TBCD: variants seen among roughly 807,000 people sequenced by gnomAD.
TBCD encodes the protein tubulin folding cofactor D.
Under a neutral mutation model 169.3 loss-of-function variants are expected in TBCD, and 105 were observed. The observed-to-expected ratio is 0.62, with a 90% CI of 0.53 to 0.73. TBCD has a LOEUF of 0.73. Among genes scored for constraint, TBCD ranks in the 30% least tolerant of loss-of-function variants. TBCD has a pLI of 0.00. For missense variants in TBCD, 1,444 were observed against 1,600.1 expected (o/e 0.90, Z 1.66); for synonymous variants, 700 against 643.9 (o/e 1.09, Z -1.32).
At chr17:82,883,288 T>A (rs2058498765) in intron 14 of TBCD, among the ~76,000 whole-genome samples, 1 of 152,268 alleles carries the variant, frequency 6.6e-6, no homozygotes, top group African/African-American at 2.4e-5. Flanking sequence ...AAATTCTGTT[T>A]TCCACCTTTT....
At chr17:82,868,835 C>T (rs1161514653) in intron 13 of TBCD, among the ~76,000 whole-genome samples, 1 of 152,228 alleles carries the variant, frequency 6.6e-6, no homozygotes, top group African/African-American at 2.4e-5. Flanking sequence ...AGTGCCTTTT[C>T]TCAGACTGTG....
rs533384727 is a variant in TBCD, at chr17:82,882,928, G to A, written c.1476-1217G>A. Among the ~76,000 whole-genome samples, 333 of 152,298 alleles carry A rather than the reference G, an allele frequency of 2.2e-3. 1 individual carries two copies. The highest frequency in any genetic ancestry group is 7.2e-3 in the African/African-American group (298 of 41,556). ...ACGGTGTCCGCGCTGCCAGGCTGGA[G>A]CGGGTGACGGTGCCTGCGCTGCCAG... On this transcript the variant is annotated intron_variant, in intron 14 of 38. Coordinates refer to ENST00000355528, the MANE Select transcript of TBCD (RefSeq NM_005993.5).
At chr17:82,907,899 G>A (rs977140824) in intron 21 of TBCD, 78 bp downstream of exon 21, 143 of 1,480,392 alleles carry the variant, frequency 9.7e-5, no homozygotes, top group Non-Finnish European at 2.2e-5. Context: ...CCCTCCCCAG[G>A]CAGGGTCTGC....
At chr17:82,814,773 C>T (rs1229910544) in intron 12 of TBCD, 67 bp from the exon 13 acceptor site, 13 of 1,499,760 alleles carry the variant, frequency 8.7e-6, no homozygotes, top group Non-Finnish European at 9.2e-6. Flanking sequence ...TGCTCCTTGC[C>T]ATGCTGTGGG....
At chr17:82,888,927 A>G (rs2058942561) in intron 15 of TBCD, among the ~76,000 whole-genome samples, 2 of 151,940 alleles carry the variant, frequency 1.3e-5, no homozygotes, top group South Asian at 4.1e-4. Flanking sequence ...CCGTGGGTGC[A>G]CTTTGCTGGG....
Position 82,930,876 on chromosome 17 carries a change from G to A in TBCD, c.3113+233G>A, listed in dbSNP as rs1026868416. Among the ~76,000 whole-genome samples the A allele has an allele frequency of 1.3e-5, 2 of 152,214 alleles. No individual in the cohort carries two copies. The highest frequency in any genetic ancestry group is 4.1e-4 in the South Asian group (2 of 4,834). On this transcript the variant is annotated intron_variant, in intron 33 of 38. Coordinates refer to ENST00000355528, the MANE Select transcript of TBCD (RefSeq NM_005993.5). This position sits in a 1 kb window ranked among gnomAD's most constrained non-coding sequence, Gnocchi z 5.2. The stretch of plus-strand genomic sequence containing the variant: ...TCTTCTAGCCTCCACATGAGGCAGG[G>A]AAATGACCGTTGTGTGTACAATGGA...
Position 82,932,890 on chromosome 17 carries a change from G to A in TBCD, c.3191+155G>A, listed in dbSNP as rs2062321175. Reference sequence around the variant, plus strand: ...GGTGACTGTAAATACCGTCATCACAGCTGGCCCTCAAAATAACGCAATAAT... The same window carrying A: ...GGTGACTGTAAATACCGTCATCACAACTGGCCCTCAAAATAACGCAATAAT... On this transcript the variant is annotated intron_variant, in intron 34 of 38. Coordinates refer to ENST00000355528, the MANE Select transcript of TBCD (RefSeq NM_005993.5). The A allele has an allele frequency of 3.1e-5, 21 of 668,364 alleles. No individual in the cohort carries two copies. The East Asian group carries it at 5.7e-4, about 18-fold the overall frequency. The allele number at this position is 668,364 out of a possible 1,614,324, so 41.4% of individuals were successfully genotyped here. A position where few individuals can be genotyped will look rare whatever the true frequency, so the allele number is the denominator to read the frequency against.
At chr17:82,805,243 GC>G (rs900974785) in intron 9 of TBCD, among the ~76,000 whole-genome samples, 19 of 152,230 alleles carry the variant, frequency 1.2e-4, no homozygotes, top group African/African-American at 4.6e-4. Context: ...GCATGGAGCG[GC>G]TCAGGAGCTG....
At chr17:82,851,466 T>C (rs2055782454) in intron 13 of TBCD, among the ~76,000 whole-genome samples, 1 of 152,114 alleles carries the variant, frequency 6.6e-6, no homozygotes. Context: ...ATGTTATCAA[T>C]GAGAATAAAC....
At chr17:82,848,617 C>A (rs1490710883) in intron 13 of TBCD, among the ~76,000 whole-genome samples, 2 of 152,162 alleles carry the variant, frequency 1.3e-5, no homozygotes, top group Non-Finnish European at 2.9e-5. Flanking sequence ...GTACAGAAGT[C>A]ATGAGTTAAA....
chr17:82,851,230 G>A (rs1185736751), intron 13 of TBCD, among the ~76,000 whole-genome samples: 2 of 148,682 alleles, frequency 1.3e-5, no homozygotes, highest in Admixed American at 1.4e-4. Context: ...ATACAAATGT[G>A]TAAATCACAT....
At chr17:82,900,829 A>T in intron 18 of TBCD, 98 bp downstream of exon 18, 1 of 884,828 alleles carries the variant, frequency 1.1e-6, no homozygotes, top group Non-Finnish European at 1.8e-6. Flanking sequence ...CTCACTGTGG[A>T]TGTCGTATTT....
chr17:82,766,316 A>C lies in TBCD; in HGVS notation c.383A>C (p.Asp128Ala), dbSNP rs774524442. 3.1e-6 allele frequency: 5 copies of C among 1,613,474 alleles called. No homozygotes were observed. The South Asian group carries it at 5.5e-5, about 18-fold the overall frequency. Residue 128 changes from aspartate to alanine, a missense_variant, in exon 4 of 39, where the codon GAT (aspartate) becomes GCT (alanine). Transcript: ENST00000355528. ...FLRLFPHEVADVEPVLDLVTI... is the reference protein window; with the variant it reads ...FLRLFPHEVAAVEPVLDLVTI... The stretch of plus-strand genomic sequence containing the variant: ...CGTTTATTTCCTCATGAAGTTGCCG[A>C]TGTAGAGCCTGTTTTAGATTTGGTC...
Position 82,833,054 on chromosome 17 carries a change from G to T in TBCD, c.1318+18120G>T, listed in dbSNP as rs1163834172. 6.6e-6 allele frequency among the ~76,000 whole-genome samples: 1 copy of T among 152,092 alleles called. No homozygotes were observed. Among genetic ancestry groups the T allele is most frequent in the East Asian group, 1.9e-4 (1 of 5,170 alleles). ...GGGTCTGGACAGAGTCCTGTCCCAGGGCTGCCCGACTCTGCTTGGGGGTTA... is the reference window on the plus strand; with the variant it reads ...GGGTCTGGACAGAGTCCTGTCCCAGTGCTGCCCGACTCTGCTTGGGGGTTA... On this transcript the variant is annotated intron_variant, in intron 13 of 38. Transcript: ENST00000355528. The surrounding 1 kb of genome is among the most constrained non-coding windows in gnomAD (Gnocchi z 4.7).
chr17:82,802,039 C>T (rs8081416), intron 9 of TBCD, among the ~76,000 whole-genome samples: 54,615 of 146,982 alleles, frequency 0.37, 10,328 homozygotes, highest in Middle Eastern at 0.41. Context: ...AGAGGCGGTG[C>T]GGCCTCCCTG....
rs79379817 is a variant in TBCD, at chr17:82,854,743, A to G, written c.1319-15481A>G. On this transcript the variant is annotated intron_variant, in intron 13 of 38. Coordinates refer to ENST00000355528, the MANE Select transcript of TBCD (RefSeq NM_005993.5). ...AGAGATGACCTAAGAAACAGGAGGA[A>G]TGGTTGACGTTCTGTGCTGGAAACG... Among the ~76,000 whole-genome samples the G allele has an allele frequency of 9.2e-4, 140 of 152,228 alleles. 2 individuals are homozygous for G. The East Asian group carries it at 0.025, about 28-fold the overall frequency.
At chr17:82,941,511 G>T in intron 38 of TBCD, 28 bp downstream of exon 38, 8 of 1,555,962 alleles carry the variant, frequency 5.1e-6, no homozygotes, top group Non-Finnish European at 6.1e-6. Flanking sequence ...ACAGCATGAG[G>T]TGCCTGTGCT....
In TBCD at chr17:82,924,641, C is replaced by T. The variant is rs138177884; in HGVS notation, c.2261-298C>T. Among the ~76,000 whole-genome samples, 8 of 152,288 alleles carry T rather than the reference C, an allele frequency of 5.3e-5. No individual in the cohort carries two copies. In the East Asian group the frequency reaches 1.4e-3, roughly 26 times the overall value. On this transcript the variant is annotated intron_variant, in intron 26 of 38. Coordinates refer to ENST00000355528, the MANE Select transcript of TBCD (RefSeq NM_005993.5). ...ATCATGCATTAGCTTGGCATGGTGGCACACACCTGTAATCCCAGCTACTTG... is the reference window on the plus strand; with the variant it reads ...ATCATGCATTAGCTTGGCATGGTGGTACACACCTGTAATCCCAGCTACTTG...
intron 13 of TBCD, among the ~76,000 whole-genome samples, chr17:82,822,342 T>TGAG (rs2052482804): frequency 6.6e-6 from 1 of 152,110 alleles, no homozygotes; most frequent in African/African-American, 2.4e-5. Context: ...AAAAGGGCGG[T>TGAG]GAGATCCTCA....
Sources: allele counts gnomAD v4.1 joint callset (sites outside exome capture counted in the v4.1 genomes callset), GRCh38; gene constraint gnomAD v4.1.1; non-coding constraint Gnocchi (gnomAD v3.1); transcripts MANE v1.5; gene names NCBI Gene and HGNC (gene_info 2026-07-23, HGNC 2026-07-21).